PHEX: variants seen among roughly 807,000 people sequenced by gnomAD.
The protein encoded by PHEX is phosphate regulating endopeptidase X-linked, also known as phosphate-regulating neutral endopeptidase PHEX.
A neutral mutation model predicts 68.0 loss-of-function variants in PHEX; 16 were observed. The observed-to-expected ratio is 0.24, with a 90% confidence interval of 0.16 to 0.36. The LOEUF (loss-of-function observed/expected upper bound fraction) is 0.36, where lower values mean the gene tolerates loss of function less well. PHEX is among the 10% of genes least tolerant of loss of function. The probability of loss-of-function intolerance (pLI) is 1.00; values close to 1 mark genes in which losing one functional copy is unlikely to be tolerated. For synonymous variants in PHEX, 208 were observed against 205.1 expected (o/e 1.01, Z -0.12); for missense variants, 480 against 575.5 (o/e 0.83, Z 1.70).
At chrX:22,111,672 T>A (rs1206077928) in intron 10 of PHEX, 112 bp downstream of exon 10, 1 of 596,940 alleles carries the variant, frequency 1.7e-6, no homozygotes, top group Admixed American at 2.4e-5. Flanking sequence ...ACAGGGGGAG[T>A]TTGTAGCCCA....
At chrX:22,106,953 A>G (rs767051877) in intron 9 of PHEX, among the ~76,000 whole-genome samples, 1 of 110,903 alleles carries the variant, frequency 9.0e-6, no homozygotes, top group Non-Finnish European at 1.9e-5. Context: ...TTTATAAGCA[A>G]TATTTATGTT....
chrX:22,049,745 T>G (rs1927723949), intron 3 of PHEX, among the ~76,000 whole-genome samples: 1 of 109,794 alleles, frequency 9.1e-6, no homozygotes, highest in Non-Finnish European at 1.9e-5. Context: ...GCACCTGTAA[T>G]CCCAGCTACT....
chrX:22,153,319 C>T (rs185192470), intron 12 of PHEX, among the ~76,000 whole-genome samples: 1 of 111,968 alleles, frequency 8.9e-6, no homozygotes, highest in Non-Finnish European at 1.9e-5. Context: ...GTGACCAAGA[C>T]CAAATTTTAA....
At chrX:22,111,664 A>G (rs1230656170) in intron 10 of PHEX, 104 bp downstream of exon 10, 3 of 639,164 alleles carry the variant, frequency 4.7e-6, no homozygotes, top group Non-Finnish European at 7.8e-6. Flanking sequence ...GGGATTAGAC[A>G]GGGGGAGTTT....
At chrX:22,197,764 TACTA>T (rs371823095) in intron 15 of PHEX, among the ~76,000 whole-genome samples, 16 of 111,382 alleles carry the variant, frequency 1.4e-4, no homozygotes, top group African/African-American at 5.2e-4. Flanking sequence ...CATGCCCAGG[TACTA>T]ACTGAGTTTG....
intron 20 of PHEX, among the ~76,000 whole-genome samples, chrX:22,243,979 C>A (rs1234460962): frequency 8.9e-6 from 1 of 112,080 alleles, no homozygotes; most frequent in Non-Finnish European, 1.9e-5. Context: ...AGACACCATG[C>A]ATACGTATGT....
At chrX:22,193,451 T>C (rs1467885228) in intron 15 of PHEX, among the ~76,000 whole-genome samples, 1 of 110,679 alleles carries the variant, frequency 9.0e-6, no homozygotes, top group African/African-American at 3.4e-5. Flanking sequence ...GTTTTGTTTT[T>C]TTAAAATAAA....
chrX:22,118,994 T>C (rs1006729081), intron 11 of PHEX, among the ~76,000 whole-genome samples: 1 of 112,323 alleles, frequency 8.9e-6, no homozygotes, highest in Non-Finnish European at 1.9e-5. Flanking sequence ...CTCGTGAGAT[T>C]GGCTGCAAGT....
intron 3 of PHEX, among the ~76,000 whole-genome samples, chrX:22,048,480 G>GCA (rs772688428): frequency 7.3e-5 from 8 of 109,932 alleles, no homozygotes; most frequent in East Asian, 2.8e-4. Flanking sequence ...ACACACATGT[G>GCA]CACACACACA....
chrX:22,224,873 A>AGTT (rs77884425), intron 18 of PHEX, among the ~76,000 whole-genome samples: 1 of 107,134 alleles, frequency 9.3e-6, no homozygotes, highest in African/African-American at 3.4e-5. Flanking sequence ...CTTGAAAGTT[A>AGTT]AAAGCAAGGT....
chrX:22,178,936 C>T (rs1212825750), intron 14 of PHEX, among the ~76,000 whole-genome samples: 2 of 111,720 alleles, frequency 1.8e-5, no homozygotes, highest in Non-Finnish European at 3.8e-5. Context: ...GCCCAGAGCC[C>T]ACCAGCTACG....
Position 22,047,187 on chromosome X carries a change from C to T in PHEX, c.325C>T (p.His109Tyr), listed in dbSNP as rs905332203. The change falls in exon 3 of 22, where the codon CAT becomes TAT. Residue 109 changes from histidine (H) to tyrosine (Y), a missense_variant. Physicochemically the swap from His to Tyr is moderately conservative, Grantham distance 83. Coordinates refer to ENST00000379374, the MANE Select transcript of PHEX (RefSeq NM_000444.6). ...PSYGVYPWLR[H>Y]NVDLKLKELL... Reference sequence around the variant, plus strand: ...CTATGGGGTTTATCCTTGGCTGAGACATAATGTTGACCTCAAGTTGAAGGG... The same window carrying T: ...CTATGGGGTTTATCCTTGGCTGAGATATAATGTTGACCTCAAGTTGAAGGG... 2.5e-6 allele frequency: 3 copies of T among 1,209,472 alleles called. No homozygotes were observed. Among genetic ancestry groups the T allele is most frequent in the African/African-American group, 1.7e-5 (1 of 57,741 alleles).
intron 11 of PHEX, among the ~76,000 whole-genome samples, chrX:22,116,565 C>G (rs1171631196): frequency 2.7e-5 from 3 of 111,186 alleles, no homozygotes; most frequent in African/African-American, 9.8e-5. Flanking sequence ...CGTAGTGATA[C>G]ATAATAATAC....
intron 20 of PHEX, among the ~76,000 whole-genome samples, chrX:22,239,895 G>A (rs1299615052): frequency 6.3e-5 from 7 of 111,068 alleles, no homozygotes; most frequent in Non-Finnish European, 9.4e-5. Flanking sequence ...AGAGAACACC[G>A]CAAAAATATT....
Position 22,245,373 on chromosome X carries a change from A to G in PHEX, c.2111A>G (p.Gln704Arg). 8.3e-7 allele frequency: 1 copy of G among 1,209,312 alleles called. No homozygotes were observed. The highest frequency in any genetic ancestry group is 1.1e-6 in the Non-Finnish European group (1 of 893,301). Residue 704 changes from glutamine (Q) to arginine (R), a missense_variant, in exon 21 of 22, where the codon CAA becomes CGA. By Grantham distance (43) the Gln-to-Arg change is conservative. Transcript: ENST00000379374. The stretch of plus-strand genomic sequence containing the variant: ...TACAGACCAGAAGCTGCCCGAGAAC[A>G]AGTCCAAATTGGTGCTCACAGTCCC... ...NSYRPEAARE[Q>R]VQIGAHSPPQ...
intron 11 of PHEX, among the ~76,000 whole-genome samples, chrX:22,130,896 C>G (rs1188214248): frequency 2.7e-5 from 3 of 111,409 alleles, no homozygotes; most frequent in Non-Finnish European, 5.6e-5. Context: ...TCTAGTGGGT[C>G]TCAGCCCTGA....
chrX:22,248,153 T>C lies in PHEX; in HGVS notation c.*200T>C. On this transcript the variant is annotated 3_prime_UTR_variant, in exon 22 of 22. Coordinates refer to ENST00000379374, the MANE Select transcript of PHEX (RefSeq NM_000444.6). Reference sequence around the variant, plus strand: ...TATAAAGTGGAATATAAGAATGAACTAAGTATGTTTCTTTAGAAAATCAAA... The same window carrying C: ...TATAAAGTGGAATATAAGAATGAACCAAGTATGTTTCTTTAGAAAATCAAA... The C allele has an allele frequency of 2.3e-6, 1 of 426,100 alleles. No homozygotes were observed. Among genetic ancestry groups the C allele is most frequent in the Non-Finnish European group, 4.1e-6 (1 of 243,811 alleles). The allele number at this position is 426,100 out of a possible 1,213,427, so 35.1% of individuals were successfully genotyped here. A position where few individuals can be genotyped will look rare whatever the true frequency, so the allele number is the denominator to read the frequency against.
At chrX:22,105,562 G>T (rs140430293) in intron 9 of PHEX, among the ~76,000 whole-genome samples, 1 of 111,700 alleles carries the variant, frequency 9.0e-6, no homozygotes, top group Non-Finnish European at 1.9e-5. Context: ...CTCTGGCTTT[G>T]AGAACCTTTA....
At chrX:22,187,974 C>T (rs1354968313) in intron 14 of PHEX, among the ~76,000 whole-genome samples, 1 of 111,157 alleles carries the variant, frequency 9.0e-6, no homozygotes, top group Non-Finnish European at 1.9e-5. Context: ...GCTAATAATT[C>T]CTATGTTGCC....
Sources: gnomAD v4.1 joint callset for allele counts (sites outside exome capture counted in the v4.1 genomes callset) on GRCh38, gnomAD v4.1.1 for gene constraint, MANE v1.5 for transcripts, NCBI Gene and HGNC (gene_info 2026-07-23, HGNC 2026-07-21) for gene names.